The following F11 variants were observed in gnomAD, a reference collection of about 807,000 sequenced individuals.
F11 encodes the protein coagualtion factor XI.
F11 carries 78 observed loss-of-function variants against 76.5 expected under a neutral mutation model. The ratio of observed to expected loss-of-function variants is 1.02; its 90% CI spans 0.85 to 1.23. The LOEUF (loss-of-function observed/expected upper bound fraction) is 1.23, where lower values mean the gene tolerates loss of function less well. Among genes scored for constraint, F11 ranks in the 50% most tolerant of loss-of-function variants. The probability of loss-of-function intolerance (pLI) is 0.00; values close to 1 mark genes in which losing one functional copy is unlikely to be tolerated. For missense variants in F11, 742 were observed against 771.4 expected (o/e 0.96, Z 0.45); for synonymous variants, 278 against 276.3 (o/e 1.01, Z -0.06).
chr4:186,276,675 C>T (rs767804716), intron 7 of F11, among the ~76,000 whole-genome samples: 5 of 149,636 alleles, frequency 3.3e-5, no homozygotes, highest in Non-Finnish European at 7.4e-5. Context: ...CAACCTTCGC[C>T]TCCCAGGTCC....
chr4:186,286,772 T>C (rs2126784108), intron 13 of F11: 2 of 914,112 alleles, frequency 2.2e-6, no homozygotes, highest in Non-Finnish European at 2.6e-6. Flanking sequence ...CACTTTTCAG[T>C]AAATGTTCTA....
In F11 at chr4:186,274,287, C is replaced by T; in HGVS notation, c.485+12C>T. ...AGCCTGGAGCATCGGTGAGTGAGTC[C>T]CAGGACATTCGAGTGGTCGATGAAA... On this transcript the variant is annotated intron_variant, in intron 5 of 14. Coordinates refer to ENST00000403665, the MANE Select transcript of F11 (RefSeq NM_000128.4). 1 of 1,614,140 alleles carries T rather than the reference C, an allele frequency of 6.2e-7. No homozygotes were observed.
At position 186,285,027 on chromosome 4, in the gene F11, T is replaced by C. The variant is rs547094169; in HGVS notation, c.1305-611T>C. ...TTCCTTACTTAGGTCACTTTCAGCG[T>C]TGGCCAAACAAAAAGGCTCCAGCTG... On this transcript the variant is annotated intron_variant, in intron 11 of 14. Coordinates refer to ENST00000403665, the MANE Select transcript of F11 (RefSeq NM_000128.4). Among the ~76,000 whole-genome samples, 22 of 152,304 alleles carry C rather than the reference T, an allele frequency of 1.4e-4. 1 individual carries two copies. The South Asian group carries it at 3.3e-3, about 23-fold the overall frequency.
rs138230318 is a variant in F11 at position 186,282,063 on chromosome 4, G to A, written c.1135+1483G>A. 19 of 1,239,462 alleles carry A rather than the reference G, an allele frequency of 1.5e-5. No homozygotes were observed. In the East Asian group the frequency reaches 7.1e-4, roughly 46 times the overall value. The allele number at this position is 1,239,462 out of a possible 1,614,324, so 76.8% of individuals were successfully genotyped here. ...TTCCCTAAGACAAGAAGGAGCATTC[G>A]GCACCATTCTGTTGTCTTTCTTCTA... is the stretch of plus-strand genomic sequence containing the variant. On this transcript the variant is annotated intron_variant, in intron 10 of 14. Transcript: ENST00000403665.
At chr4:186,285,340 T>C (rs1372821875) in intron 11 of F11, among the ~76,000 whole-genome samples, 1 of 151,606 alleles carries the variant, frequency 6.6e-6, no homozygotes, top group Non-Finnish European at 1.5e-5. Context: ...TGTGTGCGTG[T>C]GTGTCTGTGC....
chr4:186,276,158 T>C lies in F11; in HGVS notation c.596-73T>C, dbSNP rs546534762. 1.3e-5 allele frequency: 20 copies of C among 1,566,524 alleles called. No individual in the cohort carries two copies. In the East Asian group the frequency reaches 4.0e-4, roughly 32 times the overall value. On this transcript the variant is annotated intron_variant, in intron 6 of 14. Coordinates refer to ENST00000403665, the MANE Select transcript of F11 (RefSeq NM_000128.4). Reference sequence around the variant, plus strand: ...CACTTAAATTTTTTAATATGGAATTTACACATACTGTGACCGGAATTTTCC... The same window carrying C: ...CACTTAAATTTTTTAATATGGAATTCACACATACTGTGACCGGAATTTTCC...
At chr4:186,267,492 T>G (rs573460387) in intron 2 of F11, among the ~76,000 whole-genome samples, 1 of 152,330 alleles carries the variant, frequency 6.6e-6, no homozygotes, top group Admixed American at 6.5e-5. Flanking sequence ...TTTGCCTCAC[T>G]AATTAGTTGG....
chr4:186,288,826 C>G lies in F11; in HGVS notation c.*212C>G. 3.5e-6 allele frequency: 2 copies of G among 577,352 alleles called. No individual in the cohort carries two copies. Among genetic ancestry groups the G allele is most frequent in the South Asian group, 3.9e-5 (2 of 51,796 alleles). 35.8% of individuals were successfully genotyped at this position (577,352 alleles called of 1,614,324 possible). On this transcript the variant is annotated 3_prime_UTR_variant, in exon 15 of 15. Coordinates refer to ENST00000403665, the MANE Select transcript of F11 (RefSeq NM_000128.4). ...GTTGTAGTTTGTTTGAGCATTCAGT[C>G]TCTTTGTTTTTGATCACGCTTCTAT...
At chr4:186,272,997 G>A (rs1740091068) in intron 3 of F11, 74 bp from the exon 4 acceptor site, 1 of 984,946 alleles carries the variant, frequency 1.0e-6, no homozygotes, top group Admixed American at 2.0e-5. Context: ...GGCTTTCTGT[G>A]TGCTGACTTT....
chr4:186,276,138 A>C lies in F11; in HGVS notation c.596-93A>C, dbSNP rs1740356496. On this transcript the variant is annotated intron_variant, in intron 6 of 14. Coordinates refer to ENST00000403665, the MANE Select transcript of F11 (RefSeq NM_000128.4). ...AATTAAAAGATCTTGGGATACACTT[A>C]AATTTTTTAATATGGAATTTACACA... 32 of 1,458,060 alleles carry C rather than the reference A, an allele frequency of 2.2e-5. 1 individual carries two copies. In the South Asian group the frequency reaches 3.6e-4, roughly 17 times the overall value. The allele number at this position is 1,458,060 out of a possible 1,614,324, so 90.3% of individuals were successfully genotyped here. A position where few individuals can be genotyped will look rare whatever the true frequency, so the allele number is the denominator to read the frequency against.
At chr4:186,275,118 G>A (rs1740263959) in intron 5 of F11, 2 of 456,276 alleles carry the variant, frequency 4.4e-6, no homozygotes, top group East Asian at 6.9e-5. Flanking sequence ...CAGCTTTTAT[G>A]TCTAAGACTT....
At chr4:186,270,564 G>A (rs1488020483) in intron 2 of F11, among the ~76,000 whole-genome samples, 1 of 151,990 alleles carries the variant, frequency 6.6e-6, no homozygotes, top group Non-Finnish European at 1.5e-5. Context: ...CTCCCATCTA[G>A]TGGCATATTG....
rs2126791743 is a variant in F11, at chr4:186,288,588, A to G, written c.1852A>G (p.Ile618Val). 6.2e-7 allele frequency: 1 copy of G among 1,614,134 alleles called. No individual in the cohort carries two copies. Among genetic ancestry groups the G allele is most frequent in the Non-Finnish European group, 8.5e-7 (1 of 1,180,012 alleles). ...YTNVVEYVDW[I>V]LEKTQAV The stretch of plus-strand genomic sequence containing the variant: ...CAACGTGGTCGAGTACGTGGACTGG[A>G]TTCTGGAGAAAACTCAAGCAGTGTG... Residue 618 changes from isoleucine to valine, a missense_variant, in exon 15 of 15, where the codon ATT (isoleucine) becomes GTT (valine). Ile to Val is a conservative substitution (Grantham distance 29). Coordinates refer to ENST00000403665, the MANE Select transcript of F11 (RefSeq NM_000128.4).
At chr4:186,282,937 C>A (rs769239943) in intron 10 of F11, 2 of 985,302 alleles carry the variant, frequency 2.0e-6, no homozygotes, top group Non-Finnish European at 2.4e-6. Flanking sequence ...TGTTTTACAC[C>A]CACAAAACTA....
chr4:186,275,261 C>T (rs907284443), intron 5 of F11: 9 of 447,620 alleles, frequency 2.0e-5, no homozygotes, highest in South Asian at 6.3e-5. Flanking sequence ...GAGGCCGAGG[C>T]GGGCAGATCA....
intron 4 of F11, 110 bp downstream of exon 4, chr4:186,273,287 C>T: frequency 1.2e-6 from 1 of 867,152 alleles, no homozygotes; most frequent in Non-Finnish European, 1.9e-6. Flanking sequence ...GGAAATAAAC[C>T]CCCTTAATGA....
At chr4:186,283,046 G>C (rs1350514230) in intron 10 of F11, 1 of 985,128 alleles carries the variant, frequency 1.0e-6, no homozygotes, top group Non-Finnish European at 1.2e-6. Context: ...GAGCACCTGA[G>C]CCTGGTTATT....
intron 3 of F11, 40 bp from the exon 4 acceptor site, chr4:186,273,031 T>A (rs748870847): frequency 1.5e-6 from 2 of 1,337,760 alleles, no homozygotes; most frequent in Non-Finnish European, 1.1e-6. Context: ...TTTAAAAACA[T>A]AAATTCCTAT....
At chr4:186,282,111 C>T (rs1740853560) in intron 10 of F11, 1 of 1,165,678 alleles carries the variant, frequency 8.6e-7, no homozygotes, top group Non-Finnish European at 1.1e-6. Context: ...AGAAGGGACA[C>T]TTAGCAAATG....
Sources: allele counts gnomAD v4.1 joint callset (sites outside exome capture counted in the v4.1 genomes callset), GRCh38; gene constraint gnomAD v4.1.1; transcripts MANE v1.5; gene names NCBI Gene and HGNC (gene_info 2026-07-23, HGNC 2026-07-21).